The following WDFY4 variants were observed in gnomAD, a reference collection of about 807,000 sequenced individuals.
The protein encoded by WDFY4 is WD repeat- and FYVE domain-containing protein 4.
Under a neutral mutation model 351.9 loss-of-function variants are expected in WDFY4, and 169 were observed. The observed-to-expected ratio is 0.48, with a 90% CI of 0.42 to 0.55. The LOEUF is 0.55. Among genes scored for constraint, WDFY4 ranks in the 20% least tolerant of loss-of-function variants. The pLI is 0.00. For missense variants in WDFY4, 3,803 were observed against 3,935.6 expected (o/e 0.97, Z 0.90); for synonymous variants, 1,622 against 1,574.6 (o/e 1.03, Z -0.71).
In WDFY4 at chr10:48,956,989, T is replaced by C. The variant is rs1285598665; in HGVS notation, c.7978-140T>C. On this transcript the variant is annotated intron_variant, in intron 51 of 61. Coordinates refer to ENST00000325239, the MANE Select transcript of WDFY4 (RefSeq NM_001394531.1). ...AGAACCACGGCACACACATCTGGGCTGATGGGTACACGTGTGTGAGGAGAG... is the reference window on the plus strand; with the variant it reads ...AGAACCACGGCACACACATCTGGGCCGATGGGTACACGTGTGTGAGGAGAG... The C allele has an allele frequency of 6.2e-6, 7 of 1,135,164 alleles. No homozygotes were observed. The South Asian group carries it at 9.8e-5, about 16-fold the overall frequency. 70.3% of individuals were successfully genotyped at this position (1,135,164 alleles called of 1,614,324 possible).
Position 48,777,460 on chromosome 10 carries a change from G to A in WDFY4, c.3140G>A (p.Ser1047Asn). ...IPTLSTVMGT[S>N]TEYSVSGGIG... ...ACCCTGTCCACAGTTATGGGAACCA[G>A]CACTGAGTACTCTGTCTCTGGAGGA... The change falls in exon 17 of 62, where the codon AGC becomes AAC. Residue 1047 changes from serine to asparagine, a missense_variant. Physicochemically the swap from Ser to Asn is conservative, Grantham distance 46. Around this residue, in one of 3 missense-constraint regions of WDFY4, gnomAD observed 3,054 missense variants for 3,148.6 expected, o/e 0.97. Transcript: ENST00000325239. The A allele has an allele frequency of 1.3e-6, 2 of 1,551,778 alleles. No individual in the cohort carries two copies. Among genetic ancestry groups the A allele is most frequent in the Admixed American group, 2.0e-5 (1 of 51,004 alleles).
intron 2 of WDFY4, among the ~76,000 whole-genome samples, chr10:48,713,245 C>T (rs2063813786): frequency 6.6e-6 from 1 of 152,136 alleles, no homozygotes; most frequent in African/African-American, 2.4e-5. Flanking sequence ...TTGCTGTCAC[C>T]TGGTAGCTTC....
chr10:48,898,878 C>T (rs1837221197), intron 45 of WDFY4, among the ~76,000 whole-genome samples: 1 of 150,950 alleles, frequency 6.6e-6, no homozygotes. Flanking sequence ...AGCTCTGCCA[C>T]ATTAGCTCCT....
At position 48,856,559 on chromosome 10, in the gene WDFY4, G is replaced by A. The variant is rs115664050; in HGVS notation, c.6664-10706G>A. 6.6e-3 allele frequency among the ~76,000 whole-genome samples: 1,003 copies of A among 152,220 alleles called. 5 individuals carry two copies. The highest frequency in any genetic ancestry group is 0.017 in the Middle Eastern group (5 of 294). ...GCAGGTTTGTTACATAGGTATACAC[G>A]TGCCATGGTGGTTTAAGGAAATTAT... On this transcript the variant is annotated intron_variant, in intron 39 of 61. Transcript: ENST00000325239.
intron 55 of WDFY4, chr10:48,967,014 C>A: frequency 4.2e-6 from 1 of 240,526 alleles, no homozygotes; most frequent in Non-Finnish European, 8.0e-6. Flanking sequence ...TGTACACACA[C>A]ATACCTTCTC....
At position 48,780,128 on chromosome 10, in the gene WDFY4, G is replaced by T. The variant is rs1186406415; in HGVS notation, c.3576+9G>T. 1.9e-6 allele frequency: 3 copies of T among 1,551,568 alleles called. No individual in the cohort carries two copies. The highest frequency in any genetic ancestry group is 1.2e-5 in the South Asian group (1 of 84,042). ...TCATTGGCTCTGCCAAGGTGAGATG[G>T]CTCCTCCAAGCTGCACTTGCCCCAC... On this transcript the variant is annotated intron_variant, in intron 19 of 61. Coordinates refer to ENST00000325239, the MANE Select transcript of WDFY4 (RefSeq NM_001394531.1).
intron 47 of WDFY4, chr10:48,910,288 A>T: frequency 6.2e-7 from 1 of 1,610,560 alleles, no homozygotes; most frequent in South Asian, 1.1e-5. Context: ...AAGGTGAGGC[A>T]ATTGCTCCAG....
rs1366344168 is a variant in WDFY4, at chr10:48,778,847, T to C, written c.3397+15T>C. ...TCAGCCTCTGGGTAAGGTGCTGGGA[T>C]CCAAAGCCAGTTTCATCCACATGTG... On this transcript the variant is annotated intron_variant, in intron 18 of 61. Transcript: ENST00000325239. 13 of 1,547,440 alleles carry C rather than the reference T, an allele frequency of 8.4e-6. No individual in the cohort carries two copies. The highest frequency in any genetic ancestry group is 1.1e-5 in the Non-Finnish European group (13 of 1,146,790).
intron 40 of WDFY4, among the ~76,000 whole-genome samples, chr10:48,872,405 G>A (rs73312075): frequency 0.014 from 2,134 of 152,268 alleles, 51 homozygotes; most frequent in African/African-American, 0.048. Flanking sequence ...TGCAGACTTA[G>A]CATCATCATG....
chr10:48,978,027 T>A (rs943538184), intron 59 of WDFY4, among the ~76,000 whole-genome samples: 6 of 152,108 alleles, frequency 3.9e-5, no homozygotes, highest in African/African-American at 1.4e-4. Context: ...CAGAGTCACA[T>A]CCCTGCAAGA....
chr10:48,738,420 C>A (rs1432363225), intron 11 of WDFY4, among the ~76,000 whole-genome samples: 1 of 152,216 alleles, frequency 6.6e-6, no homozygotes, highest in Non-Finnish European at 1.5e-5. Context: ...AAGGGAAGAA[C>A]ACTGGTGAGC....
At chr10:48,788,269 T>C (rs962230811) in intron 20 of WDFY4, among the ~76,000 whole-genome samples, 9 of 152,116 alleles carry the variant, frequency 5.9e-5, no homozygotes, top group Non-Finnish European at 1.2e-4. Context: ...CCTCAAGTGA[T>C]CTGCCTGTCT....
intron 1 of WDFY4, among the ~76,000 whole-genome samples, chr10:48,686,538 A>G (rs2063056060): frequency 6.6e-6 from 1 of 152,124 alleles, no homozygotes. Context: ...TCTTTTTCTA[A>G]TTTTACATCC....
chr10:48,887,293 C>T (rs2070496563), intron 43 of WDFY4, among the ~76,000 whole-genome samples: 1 of 152,164 alleles, frequency 6.6e-6, no homozygotes, highest in South Asian at 2.1e-4. Context: ...ATCATGTGAA[C>T]CTGAGGTTGG....
chr10:48,978,400 G>T lies in WDFY4; in HGVS notation c.9376+7G>T. ...CAGCCTCCAAGCCCAAGAGGTACCT[G>T]ACCTGCTAGGGATGTGGCCGTCCTG... On this transcript the variant is annotated splice_region_variant and intron_variant, in intron 60 of 61. Coordinates refer to ENST00000325239, the MANE Select transcript of WDFY4 (RefSeq NM_001394531.1). The T allele has an allele frequency of 1.3e-6, 2 of 1,548,892 alleles. No individual in the cohort carries two copies. Among genetic ancestry groups the T allele is most frequent in the Non-Finnish European group, 8.7e-7 (1 of 1,145,848 alleles).
At chr10:48,817,434 A>T in intron 32 of WDFY4, 25 bp downstream of exon 32, 2 of 1,536,790 alleles carry the variant, frequency 1.3e-6, no homozygotes, top group Non-Finnish European at 1.8e-6. Flanking sequence ...TGTCCCACCC[A>T]GAGAGAGCAG....
intron 13 of WDFY4, among the ~76,000 whole-genome samples, chr10:48,767,384 T>C (rs1419979128): frequency 6.6e-6 from 1 of 152,214 alleles, no homozygotes; most frequent in African/African-American, 2.4e-5. Flanking sequence ...TCGTGGTATA[T>C]AAAATTCTGA....
At chr10:48,935,642 A>T (rs1042549687) in intron 47 of WDFY4, among the ~76,000 whole-genome samples, 5 of 152,114 alleles carry the variant, frequency 3.3e-5, no homozygotes, top group Admixed American at 2.0e-4. Flanking sequence ...ATTTGAATTT[A>T]ATTATTTGTT....
At chr10:48,963,322 G>T (rs990636633) in intron 53 of WDFY4, among the ~76,000 whole-genome samples, 7 of 152,166 alleles carry the variant, frequency 4.6e-5, no homozygotes, top group African/African-American at 1.7e-4. Context: ...AGGTACAATT[G>T]TTCATTTTAC....
Sources: gnomAD v4.1 joint callset for allele counts (sites outside exome capture counted in the v4.1 genomes callset) on GRCh38, gnomAD v4.1.1 for gene constraint, gnomAD v4.1.1 regional missense constraint, MANE v1.5 for transcripts, NCBI Gene and HGNC (gene_info 2026-07-23, HGNC 2026-07-21) for gene names.